The following PRPSAP2 variants were observed in gnomAD, a reference collection of about 807,000 sequenced individuals.
The protein encoded by PRPSAP2 is phosphoribosyl pyrophosphate synthetase associated protein 2.
Under a neutral mutation model 40.6 loss-of-function variants are expected in PRPSAP2, and 24 were observed. That is an observed-to-expected ratio of 0.59 (90% CI 0.43 to 0.83). The LOEUF (loss-of-function observed/expected upper bound fraction) is 0.83. Ranked by LOEUF, PRPSAP2 falls within the 40% of genes least tolerant of loss-of-function variation. PRPSAP2 has a pLI of 0.00. For synonymous variants in PRPSAP2, 149 were observed against 164.7 expected, an observed-to-expected ratio of 0.90 and a Z score of 0.73; for missense variants, 292 against 465.6, an observed-to-expected ratio of 0.63 and a Z score of 3.43.
chr17:18,865,072 C>G (rs780595454), intron 1 of PRPSAP2: 1 of 152,346 alleles, frequency 6.6e-6, no homozygotes, highest in Non-Finnish European at 1.5e-5. Context: ...GTCTTGATCT[C>G]TTGATCTCGT....
rs1348556583 is a variant in PRPSAP2 at position 18,877,835 on chromosome 17, T to C, written c.377T>C (p.Val126Ala). 1.1e-5 allele frequency: 18 copies of C among 1,612,706 alleles called. No homozygotes were observed. Among genetic ancestry groups the C allele is most frequent in the Non-Finnish European group, 1.3e-5 (15 of 1,179,532 alleles). Residue 126 changes from valine to alanine, a missense_variant, in exon 6 of 12, where the codon GTC (valine) becomes GCC (alanine). Physicochemically the swap from Val to Ala is moderately conservative, Grantham distance 64. Transcript: ENST00000268835. ...AAGATGAGAAAAAGAGGCTCCATTG[T>C]CTCTAAATTGCTGGCTTCCATGATG... Reference protein sequence around the residue: ...QCKMRKRGSIVSKLLASMMCK... With the variant: ...QCKMRKRGSIASKLLASMMCK...
chr17:18,893,153 C>CTTTT (rs71355574), intron 8 of PRPSAP2, among the ~76,000 whole-genome samples: 2 of 124,994 alleles, frequency 1.6e-5, no homozygotes, highest in Non-Finnish European at 3.4e-5. Context: ...TTCAATTTAT[C>CTTTT]TTTTTTTTTT....
At chr17:18,896,024 G>A (rs1262361733) in intron 8 of PRPSAP2, among the ~76,000 whole-genome samples, 1 of 152,140 alleles carries the variant, frequency 6.6e-6, no homozygotes, top group East Asian at 1.9e-4. Flanking sequence ...CCTGCCTTGG[G>A]CCTCCTGAAG....
chr17:18,864,299 T>G (rs888483836), intron 1 of PRPSAP2, among the ~76,000 whole-genome samples: 1 of 151,868 alleles, frequency 6.6e-6, no homozygotes, highest in Admixed American at 6.6e-5. Context: ...GTTTCAGGTT[T>G]TTTTTTTTTT....
At chr17:18,881,782 C>T (rs145515651) in intron 6 of PRPSAP2, among the ~76,000 whole-genome samples, 328 of 151,920 alleles carry the variant, frequency 2.2e-3, no homozygotes, top group Non-Finnish European at 3.9e-3. Flanking sequence ...AGTTTGTCAG[C>T]CTTGGCCTTC....
chr17:18,879,561 C>G (rs921989205), intron 6 of PRPSAP2, among the ~76,000 whole-genome samples: 1 of 152,086 alleles, frequency 6.6e-6, no homozygotes, highest in Non-Finnish European at 1.5e-5. Context: ...TTAAGCGATT[C>G]ACCTGCCTCA....
chr17:18,895,071 T>C (rs1282183777), intron 8 of PRPSAP2, among the ~76,000 whole-genome samples: 2 of 146,964 alleles, frequency 1.4e-5, no homozygotes, highest in Admixed American at 7.0e-5. Flanking sequence ...TTTCCCCATA[T>C]AGATGTGTAC....
intron 8 of PRPSAP2, among the ~76,000 whole-genome samples, chr17:18,907,769 A>G (rs931348850): frequency 6.6e-6 from 1 of 152,244 alleles, no homozygotes; most frequent in African/African-American, 2.4e-5. Flanking sequence ...TAACTAAATA[A>G]CATACTTTTA....
At chr17:18,901,859 G>C (rs926123540) in intron 8 of PRPSAP2, among the ~76,000 whole-genome samples, 5 of 152,150 alleles carry the variant, frequency 3.3e-5, no homozygotes, top group African/African-American at 1.2e-4. Context: ...ACGGCTCACT[G>C]TAGCCTCCAT....
chr17:18,889,423 T>C (rs972637261), intron 7 of PRPSAP2, among the ~76,000 whole-genome samples: 1 of 152,248 alleles, frequency 6.6e-6, no homozygotes, highest in Non-Finnish European at 1.5e-5. Flanking sequence ...CTGCGATATG[T>C]TAAATAGCCA....
At chr17:18,872,426 G>A (rs1013354009) in intron 4 of PRPSAP2, among the ~76,000 whole-genome samples, 157 bp from the exon 5 acceptor site, 4 of 152,196 alleles carry the variant, frequency 2.6e-5, no homozygotes, top group African/African-American at 9.6e-5. Context: ...ATGGCAGTAT[G>A]TGTATTATCC....
chr17:18,908,995 A>C (rs1207696760), intron 8 of PRPSAP2: 1 of 245,930 alleles, frequency 4.1e-6, no homozygotes, highest in Non-Finnish European at 8.2e-6. Flanking sequence ...TGAATTCAAC[A>C]TTCAAAAAAA....
intron 1 of PRPSAP2, among the ~76,000 whole-genome samples, chr17:18,862,263 G>A (rs578110771): frequency 9.5e-4 from 144 of 152,312 alleles, no homozygotes; most frequent in African/African-American, 3.2e-3. Flanking sequence ...GGCTGTTCAA[G>A]CTTCTGTTGA....
chr17:18,915,839 A>G (rs2041277014), intron 9 of PRPSAP2, among the ~76,000 whole-genome samples: 1 of 147,892 alleles, frequency 6.8e-6, no homozygotes, highest in South Asian at 2.1e-4. Context: ...TTTTTTTTTG[A>G]GACGGAGTCT....
chr17:18,895,729 G>T lies in PRPSAP2; in HGVS notation c.584+5852G>T, dbSNP rs577309679. On this transcript the variant is annotated intron_variant, in intron 8 of 11. Transcript: ENST00000268835. ...TGACCTCTGCCTCCTGGGTTCCAGC[G>T]ATTCTCCTGCCTTAGCCTCCTGAGC... Among the ~76,000 whole-genome samples, 5 of 152,072 alleles carry T rather than the reference G, an allele frequency of 3.3e-5. No homozygotes were observed. The East Asian group carries it at 9.7e-4, about 29-fold the overall frequency.
rs895703753 is a variant in PRPSAP2 at position 18,908,379 on chromosome 17, A to G, written c.585-2724A>G. ...CCAATAGTTTCTCTTCCTGAGCAAG[A>G]AATTAAAACACTGGAGGAAGATGAA... On this transcript the variant is annotated intron_variant, in intron 8 of 11. Coordinates refer to ENST00000268835, the MANE Select transcript of PRPSAP2 (RefSeq NM_002767.4). 4.8e-5 allele frequency: 37 copies of G among 770,624 alleles called. No homozygotes were observed. The African/African-American group carries it at 5.8e-4, about 12-fold the overall frequency. 47.7% of individuals were successfully genotyped at this position (770,624 alleles called of 1,614,324 possible). A position where few individuals can be genotyped will look rare whatever the true frequency, so the allele number is the denominator to read the frequency against.
chr17:18,873,345 T>G (rs2038041447), intron 5 of PRPSAP2, among the ~76,000 whole-genome samples: 1 of 151,832 alleles, frequency 6.6e-6, no homozygotes. Context: ...CAGCTGGGAT[T>G]ATAGGCATGT....
chr17:18,886,909 A>C (rs2039187447), intron 7 of PRPSAP2, among the ~76,000 whole-genome samples: 2 of 145,906 alleles, frequency 1.4e-5, no homozygotes, highest in African/African-American at 2.5e-5. Context: ...TTCTGCATAC[A>C]TGATAATTTT....
Position 18,882,694 on chromosome 17 carries a change from T to G in PRPSAP2, c.528+11T>G. 1 of 1,499,824 alleles carries G rather than the reference T, an allele frequency of 6.7e-7. No homozygotes were observed. 92.9% of individuals were successfully genotyped at this position (1,499,824 alleles called of 1,614,324 possible). On this transcript the variant is annotated intron_variant, in intron 7 of 11. Coordinates refer to ENST00000268835, the MANE Select transcript of PRPSAP2 (RefSeq NM_002767.4). ...TATATTCAAGAAGAGGTGAGCTAGC[T>G]CAAACTTTTTTATTTTAACATTCTG...
Sources: gnomAD v4.1 joint callset for allele counts (sites outside exome capture counted in the v4.1 genomes callset) on GRCh38, gnomAD v4.1.1 for gene constraint, MANE v1.5 for transcripts, NCBI Gene and HGNC (gene_info 2026-07-23, HGNC 2026-07-21) for gene names.